SHISA9: variants seen among roughly 807,000 people sequenced by gnomAD.
The protein encoded by SHISA9 is protein shisa-9.
In SHISA9, 13 loss-of-function variants were observed where a neutral mutation model predicts 38.0. The observed-to-expected ratio is 0.34, with a 90% CI of 0.22 to 0.54. The LOEUF (loss-of-function observed/expected upper bound fraction) is 0.54, where lower values mean the gene tolerates loss of function less well. Among genes scored for constraint, SHISA9 ranks in the 20% least tolerant of loss-of-function variants. The pLI, the probability that SHISA9 is intolerant of heterozygous loss-of-function variation, is 0.91. For missense variants in SHISA9, 538 were observed against 575.8 expected (o/e 0.93, Z 0.67); for synonymous variants, 275 against 242.0 (o/e 1.14, Z -1.27).
At chr16:13,085,717 C>T (rs1210561117) in intron 2 of SHISA9, among the ~76,000 whole-genome samples, 3 of 152,318 alleles carry the variant, frequency 2.0e-5, no homozygotes, top group Admixed American at 6.5e-5. Flanking sequence ...GCTAAAAAAA[C>T]ACCTGGTGAA....
chr16:12,936,724 G>A (rs1228444657), intron 2 of SHISA9, among the ~76,000 whole-genome samples: 1 of 152,192 alleles, frequency 6.6e-6, no homozygotes, highest in Non-Finnish European at 1.5e-5. Context: ...GCCATCATGG[G>A]TAATTTTGGC....
chr16:13,437,860 T>C, the SHISA9 span, among the ~76,000 whole-genome samples: 1 of 60,140 alleles, frequency 1.7e-5, no homozygotes, highest in Non-Finnish European at 3.4e-5. Context: ...AGCACTTTTT[T>C]TTTCTTTTTT....
chr16:13,363,766 A>C, the SHISA9 span, among the ~76,000 whole-genome samples: 1 of 152,296 alleles, frequency 6.6e-6, no homozygotes, highest in Non-Finnish European at 1.5e-5. Context: ...TGGTGGTTTT[A>C]AACTTTTGAG....
chr16:13,382,024 C>T, the SHISA9 span, among the ~76,000 whole-genome samples: 1 of 152,008 alleles, frequency 6.6e-6, no homozygotes, highest in African/African-American at 2.4e-5. Context: ...ATGTTAAACA[C>T]ATTAGGTTGA....
chr16:13,328,591 T>TATACACACACACACAC, the SHISA9 span, among the ~76,000 whole-genome samples: 2 of 139,874 alleles, frequency 1.4e-5, no homozygotes, highest in African/African-American at 5.4e-5. Context: ...TATATGTGTA[T>TATACACACACACACAC]ACACACACAC....
At position 13,128,368 on chromosome 16, in the gene SHISA9, T is replaced by C. The variant is rs147002989; in HGVS notation, c.692-75026T>C. ...GTGTTGTGTGGTTGCTCCCATTTCATAGATGAAGAAACACAGTGGTGGAAC... is the reference window on the plus strand; with the variant it reads ...GTGTTGTGTGGTTGCTCCCATTTCACAGATGAAGAAACACAGTGGTGGAAC... On this transcript the variant is annotated intron_variant, in intron 2 of 4. Transcript: ENST00000558583. Among the ~76,000 whole-genome samples the C allele has an allele frequency of 6.6e-3, 1,012 of 152,238 alleles. 8 individuals carry two copies. The highest frequency in any genetic ancestry group is 8.9e-3 in the Non-Finnish European group (602 of 68,016).
chr16:13,317,092 G>A, the SHISA9 span, among the ~76,000 whole-genome samples: 2 of 152,174 alleles, frequency 1.3e-5, no homozygotes, highest in Middle Eastern at 3.2e-3. Flanking sequence ...CCAGAGGTCA[G>A]AACTTCCTCC....
intron 2 of SHISA9, among the ~76,000 whole-genome samples, chr16:12,984,097 T>C (rs1193463108): frequency 6.6e-6 from 1 of 152,152 alleles, no homozygotes; most frequent in Non-Finnish European, 1.5e-5. Flanking sequence ...GGCATACATG[T>C]AATCCCAGGT....
At chr16:12,913,332 G>T (rs2071211254) in intron 1 of SHISA9, among the ~76,000 whole-genome samples, 1 of 152,120 alleles carries the variant, frequency 6.6e-6, no homozygotes, top group Non-Finnish European at 1.5e-5. Context: ...GAGTAGCCGG[G>T]ATTACAGGTG....
the SHISA9 span, among the ~76,000 whole-genome samples, chr16:13,507,754 T>C: frequency 2.6e-5 from 4 of 152,294 alleles, 1 homozygote; most frequent in South Asian, 6.2e-4. Flanking sequence ...TGTCTGTGTC[T>C]GAACAACCTC....
At chr16:13,108,200 C>G (rs1490748305) in intron 2 of SHISA9, among the ~76,000 whole-genome samples, 4 of 152,026 alleles carry the variant, frequency 2.6e-5, no homozygotes, top group African/African-American at 7.2e-5. Flanking sequence ...CTGACCACGC[C>G]TCACTGAAGT....
At chr16:13,469,509 G>C in the SHISA9 span, among the ~76,000 whole-genome samples, 1 of 152,146 alleles carries the variant, frequency 6.6e-6, no homozygotes, top group Non-Finnish European at 1.5e-5. Context: ...TGGCCTTTGA[G>C]CCTCGACCTG....
rs572207872 is a variant in SHISA9 at position 13,214,225 on chromosome 16, G to A, written c.895+925G>A. On this transcript the variant is annotated intron_variant, in intron 4 of 4. Transcript: ENST00000558583. Reference sequence around the variant, plus strand: ...TCTATTTATTTATTTATGAGACAGAGTCTCACTCTGTCACTCAGGCTAAAG... The same window carrying A: ...TCTATTTATTTATTTATGAGACAGAATCTCACTCTGTCACTCAGGCTAAAG... Among the ~76,000 whole-genome samples, 198 of 152,254 alleles carry A rather than the reference G, an allele frequency of 1.3e-3. 1 individual carries two copies. Among genetic ancestry groups the A allele is most frequent in the African/African-American group, 4.6e-3 (192 of 41,536 alleles).
chr16:13,414,037 A>G, the SHISA9 span, among the ~76,000 whole-genome samples: 1 of 152,064 alleles, frequency 6.6e-6, no homozygotes, highest in Non-Finnish European at 1.5e-5. Flanking sequence ...AAATCCCACC[A>G]CTTGAGGTTC....
chr16:13,196,653 T>C (rs1297787967), intron 2 of SHISA9, among the ~76,000 whole-genome samples: 1 of 152,180 alleles, frequency 6.6e-6, no homozygotes, highest in East Asian at 1.9e-4. Context: ...CATATCAAAA[T>C]TGATTCATTC....
At chr16:13,523,812 G>A in the SHISA9 span, among the ~76,000 whole-genome samples, 533 of 152,242 alleles carry the variant, frequency 3.5e-3, 2 homozygotes, top group African/African-American at 0.011. Context: ...ATCTAGGTGC[G>A]GATGCACATC....
the SHISA9 span, among the ~76,000 whole-genome samples, chr16:13,434,468 A>T: frequency 7.7e-6 from 1 of 130,260 alleles, no homozygotes; most frequent in East Asian, 2.5e-4. Flanking sequence ...CCCAGGCTGG[A>T]GTGCAGTGGC....
intron 2 of SHISA9, among the ~76,000 whole-genome samples, chr16:12,931,989 GTTC>G (rs2071467711): frequency 1.3e-5 from 2 of 152,256 alleles, no homozygotes; most frequent in South Asian, 4.2e-4. Context: ...TTCTCATGCT[GTTC>G]TTGTGACAGT....
At chr16:13,189,329 G>T (rs1596715008) in intron 2 of SHISA9, among the ~76,000 whole-genome samples, 1 of 152,186 alleles carries the variant, frequency 6.6e-6, no homozygotes, top group Admixed American at 6.5e-5. Flanking sequence ...GTGGCTCAAT[G>T]CTGAACCTCC....
Sources: gnomAD v4.1 joint callset for allele counts (sites outside exome capture counted in the v4.1 genomes callset) on GRCh38, gnomAD v4.1.1 for gene constraint, MANE v1.5 for transcripts, NCBI Gene and HGNC (gene_info 2026-07-23, HGNC 2026-07-21) for gene names.